MSRB2: variants seen among roughly 807,000 people sequenced by gnomAD.
The protein encoded by MSRB2 is methionine-R-sulfoxide reductase B2, mitochondrial.
In MSRB2, 17 loss-of-function variants were observed where a neutral mutation model predicts 19.0. That is an observed-to-expected ratio of 0.89 (90% CI 0.61 to 1.34). The LOEUF (loss-of-function observed/expected upper bound fraction) is 1.34. MSRB2 is among the 40% of genes most tolerant of loss of function. MSRB2 has a pLI of 0.00. For missense variants in MSRB2, 208 were observed against 237.6 expected, an observed-to-expected ratio of 0.88 and a Z score of 0.82; for synonymous variants, 107 against 99.7, an observed-to-expected ratio of 1.07 and a Z score of -0.44.
chr10:23,111,385 C>T (rs1015094054), intron 3 of MSRB2, among the ~76,000 whole-genome samples: 6 of 152,210 alleles, frequency 3.9e-5, no homozygotes, highest in African/African-American at 1.2e-4. Context: ...CATGAGCTTT[C>T]AGCCATAGAA....
rs987534892 is a variant in MSRB2 at position 23,121,046 on chromosome 10, C to T, written c.*184C>T. 8 of 489,858 alleles carry T rather than the reference C, an allele frequency of 1.6e-5. No homozygotes were observed. Among genetic ancestry groups the T allele is most frequent in the African/African-American group, 1.6e-4 (8 of 50,738 alleles). 30.3% of individuals were successfully genotyped at this position (489,858 alleles called of 1,614,324 possible). A position where few individuals can be genotyped will look rare whatever the true frequency, so the allele number is the denominator to read the frequency against. ...ACTTAATCCTGTGTGTTAGGCTGTT[C>T]TTGTGTTGCTATAAAGAAGTACCTG... On this transcript the variant is annotated 3_prime_UTR_variant, in exon 5 of 5. Transcript: ENST00000376510.
chr10:23,117,325 C>T (rs372847984), intron 3 of MSRB2, among the ~76,000 whole-genome samples: 15 of 152,254 alleles, frequency 9.9e-5, no homozygotes, highest in Admixed American at 3.9e-4. Context: ...TCCAACCACA[C>T]TTGAGACCAC....
chr10:23,116,648 T>C (rs2131633042), intron 3 of MSRB2, among the ~76,000 whole-genome samples: 1 of 152,250 alleles, frequency 6.6e-6, no homozygotes, highest in South Asian at 2.1e-4. Context: ...CTAAAATCAG[T>C]CTCTTGTGCA....
At chr10:23,098,686 T>G (rs1839893980) in intron 1 of MSRB2, among the ~76,000 whole-genome samples, 1 of 152,214 alleles carries the variant, frequency 6.6e-6, no homozygotes, top group Non-Finnish European at 1.5e-5. Flanking sequence ...AAGACTTGAC[T>G]CATTCCCAAG....
chr10:23,103,834 A>G (rs1295027442), intron 1 of MSRB2, among the ~76,000 whole-genome samples: 1 of 152,182 alleles, frequency 6.6e-6, no homozygotes, highest in African/African-American at 2.4e-5. Context: ...ATCAGTTTCT[A>G]CCCTTAGGTA....
chr10:23,110,364 G>T, intron 3 of MSRB2, 46 bp downstream of exon 3: 1 of 1,449,026 alleles, frequency 6.9e-7, no homozygotes. Flanking sequence ...AAACCTCCAG[G>T]TTCTTACTGC....
chr10:23,095,860 C>A (rs556675069), intron 1 of MSRB2, 134 bp downstream of exon 1: 3 of 357,714 alleles, frequency 8.4e-6, no homozygotes, highest in Non-Finnish European at 4.3e-6. Flanking sequence ...CGCGCCCCTC[C>A]CCCCCCCCAG....
At position 23,121,426 on chromosome 10, in the gene MSRB2, C is replaced by T. The variant is rs908685447; in HGVS notation, c.*564C>T. The T allele has an allele frequency of 3.3e-5, 5 of 152,286 alleles. No individual in the cohort carries two copies. The highest frequency in any genetic ancestry group is 5.9e-5 in the Non-Finnish European group (4 of 68,150). The allele number at this position is 152,286 out of a possible 1,614,324, so 9.4% of individuals were successfully genotyped here. On this transcript the variant is annotated 3_prime_UTR_variant, in exon 5 of 5. Coordinates refer to ENST00000376510, the MANE Select transcript of MSRB2 (RefSeq NM_012228.4). Reference sequence around the variant, plus strand: ...AGCCATGAGGGATCCACCCTCATGACCCAGTTACCTCCCGGCAGGGCCCAC... The same window carrying T: ...AGCCATGAGGGATCCACCCTCATGATCCAGTTACCTCCCGGCAGGGCCCAC...
intron 1 of MSRB2, among the ~76,000 whole-genome samples, chr10:23,097,094 A>G (rs954746303): frequency 6.6e-6 from 1 of 152,260 alleles, no homozygotes; most frequent in Non-Finnish European, 1.5e-5. Flanking sequence ...ATATGCAAAG[A>G]TGCTTTAAGC....
intron 3 of MSRB2, among the ~76,000 whole-genome samples, chr10:23,116,343 G>T (rs1033239439): frequency 2.0e-5 from 3 of 152,172 alleles, no homozygotes; most frequent in Non-Finnish European, 4.4e-5. Flanking sequence ...CACTTGGAAG[G>T]GGGAGCAGCT....
At chr10:23,103,315 A>G (rs968900618) in intron 1 of MSRB2, among the ~76,000 whole-genome samples, 6 of 152,218 alleles carry the variant, frequency 3.9e-5, no homozygotes, top group Non-Finnish European at 7.3e-5. Context: ...TGCCATAGTC[A>G]GATTACTAAC....
chr10:23,118,170 T>C (rs1426238820), intron 3 of MSRB2, among the ~76,000 whole-genome samples: 1 of 152,108 alleles, frequency 6.6e-6, no homozygotes, highest in Non-Finnish European at 1.5e-5. Context: ...CCTATTAATT[T>C]TGGGGACACA....
In MSRB2 at chr10:23,104,594, A is replaced by G. The variant is rs189511490; in HGVS notation, c.219+350A>G. 4.6e-3 allele frequency among the ~76,000 whole-genome samples: 707 copies of G among 152,248 alleles called. 10 individuals are homozygous for G. Among genetic ancestry groups the G allele is most frequent in the African/African-American group, 0.016 (679 of 41,538 alleles). The stretch of plus-strand genomic sequence containing the variant: ...CACTGCAGCCAAAGAGTTCTTTGGA[A>G]AACACAGATCTGACCATATCACTCC... On this transcript the variant is annotated intron_variant, in intron 2 of 4. Coordinates refer to ENST00000376510, the MANE Select transcript of MSRB2 (RefSeq NM_012228.4).
intron 4 of MSRB2, 70 bp downstream of exon 4, chr10:23,119,521 TG>T: frequency 6.5e-7 from 1 of 1,546,694 alleles, no homozygotes; most frequent in Non-Finnish European, 8.8e-7. Flanking sequence ...CTCTTGTTCT[TG>T]GCAAATCTGG....
At chr10:23,116,012 G>A (rs944659399) in intron 3 of MSRB2, among the ~76,000 whole-genome samples, 1 of 152,104 alleles carries the variant, frequency 6.6e-6, no homozygotes, top group Non-Finnish European at 1.5e-5. Flanking sequence ...TGAACCCCTG[G>A]AGGAGGGTTG....
intron 1 of MSRB2, among the ~76,000 whole-genome samples, chr10:23,098,608 A>C (rs1305794749): frequency 6.6e-6 from 1 of 152,222 alleles, no homozygotes; most frequent in African/African-American, 2.4e-5. Flanking sequence ...AGAGGACAGA[A>C]AATACCTGCA....
At chr10:23,104,931 T>C (rs1839968749) in intron 2 of MSRB2, among the ~76,000 whole-genome samples, 1 of 152,190 alleles carries the variant, frequency 6.6e-6, no homozygotes, top group Non-Finnish European at 1.5e-5. Context: ...AACCTTCTCC[T>C]AGCCCCCAGC....
At position 23,110,279 on chromosome 10, in the gene MSRB2, G is replaced by A. The variant is rs767861534; in HGVS notation, c.257G>A (p.Gly86Glu). ...SGIYLNNKEA[G>E]MYHCVCCDSP... ...ATCTACCTGAATAACAAGGAAGCAG[G>A]AATGTATCATTGCGTGTGCTGCGAC... The change falls in exon 3 of 5, where the codon GGA becomes GAA. Residue 86 changes from glycine to glutamate, a missense_variant. Transcript: ENST00000376510. 1 of 1,613,992 alleles carries A rather than the reference G, an allele frequency of 6.2e-7. No homozygotes were observed. Among genetic ancestry groups the A allele is most frequent in the South Asian group, 1.1e-5 (1 of 91,054 alleles).
chr10:23,119,405 T>TG lies in MSRB2; in HGVS notation c.400dup (p.Asp134GlyfsTer17). On this transcript the variant is annotated frameshift_variant, in exon 4 of 5. Coordinates refer to ENST00000376510, the MANE Select transcript of MSRB2 (RefSeq NM_012228.4). LOFTEE classifies it high-confidence loss of function. ...AGCCACACAGGGATCCTGAGACGTC[T>TG]GGATACCTCGTTAGGATCAGCTCGC... The TG allele has an allele frequency of 6.2e-7, 1 of 1,614,208 alleles. No individual in the cohort carries two copies.
Sources: gnomAD v4.1 joint callset for allele counts (sites outside exome capture counted in the v4.1 genomes callset) on GRCh38, gnomAD v4.1.1 for gene constraint, MANE v1.5 for transcripts, NCBI Gene and HGNC (gene_info 2026-07-23, HGNC 2026-07-21) for gene names.